RORC: variants seen among roughly 807,000 people sequenced by gnomAD.
RORC encodes the protein nuclear receptor ROR-gamma.
Under a neutral mutation model 64.5 loss-of-function variants are expected in RORC, and 13 were observed. That is an observed-to-expected ratio of 0.20 (90% CI 0.13 to 0.32). The LOEUF is 0.32. Among genes scored for constraint, RORC ranks in the 10% least tolerant of loss-of-function variants. The probability of loss-of-function intolerance (pLI) is 1.00; values close to 1 mark genes in which losing one functional copy is unlikely to be tolerated. For missense variants in RORC, 468 were observed against 669.5 expected (o/e 0.70, Z 3.32); for synonymous variants, 277 against 259.3 (o/e 1.07, Z -0.65).
intron 10 of RORC, among the ~76,000 whole-genome samples, chr1:151,809,337 T>G (rs1376329219): frequency 6.6e-6 from 1 of 151,076 alleles, no homozygotes; most frequent in East Asian, 1.9e-4. Flanking sequence ...GAGGTTGCAG[T>G]GAGCCGAGAT....
intron 2 of RORC, chr1:151,826,170 G>T: frequency 8.8e-7 from 1 of 1,134,388 alleles, no homozygotes; most frequent in Non-Finnish European, 1.1e-6. Flanking sequence ...GGTGCAGTGA[G>T]TAGGATGACA....
At position 151,814,678 on chromosome 1, in the gene RORC, C is replaced by G; in HGVS notation, c.829G>C (p.Val277Leu). The G allele has an allele frequency of 6.2e-7, 1 of 1,610,024 alleles. No individual in the cohort carries two copies. The highest frequency in any genetic ancestry group is 8.5e-7 in the Non-Finnish European group (1 of 1,176,934). Residue 277 changes from valine (V) to leucine (L), a missense_variant, in exon 6 of 11, where the codon GTC becomes CTC. By Grantham distance (32) the Val-to-Leu change is conservative. Coordinates refer to ENST00000318247, the MANE Select transcript of RORC (RefSeq NM_005060.4). ...CATGTCTCCCTGTAGGACTTGCAGA[C>G]GCTCTGCACCAGGTGCTCTGGGGCC... ...LTEIEHLVQS[V>L]CKSYRETCQL...
At chr1:151,813,465 C>A in intron 7 of RORC, 23 bp downstream of exon 7, 6 of 1,613,768 alleles carry the variant, frequency 3.7e-6, no homozygotes, top group Non-Finnish European at 5.1e-6. Flanking sequence ...TGTCCCCAGG[C>A]CTGCCCACCC....
rs1205749942 is a variant in RORC at position 151,815,267 on chromosome 1, G to A, written c.457C>T (p.Leu153Phe). 6.2e-7 allele frequency: 1 copy of A among 1,609,864 alleles called. No homozygotes were observed. ...CCCAGGGGCAGCTGCCCGTCTGGGA[G>A]CCCCAAGGTGTAGGTGAGGGTATCT... ...GADTLTYTLG[L>F]PDGQLPLGSS... Residue 153 changes from leucine (L) to phenylalanine (F), a missense_variant, in exon 5 of 11, where the codon CTC becomes TTC. Around this residue, in one of 5 missense-constraint regions of RORC, gnomAD observed 241 missense variants for 295.5 expected, o/e 0.82. Coordinates refer to ENST00000318247, the MANE Select transcript of RORC (RefSeq NM_005060.4).
At chr1:151,816,542 G>A in intron 4 of RORC, 122 bp downstream of exon 4, 1 of 1,029,448 alleles carries the variant, frequency 9.7e-7, no homozygotes, top group South Asian at 1.8e-5. Flanking sequence ...GTAACGGGGA[G>A]GAATGGAGAG....
At chr1:151,827,621 A>G (rs1185999990) in intron 2 of RORC, among the ~76,000 whole-genome samples, 1 of 152,092 alleles carries the variant, frequency 6.6e-6, no homozygotes, top group African/African-American at 2.4e-5. Flanking sequence ...TGTCTCCTGG[A>G]TTCTGTGGGG....
intron 6 of RORC, chr1:151,813,969 A>G (rs951251569): frequency 1.3e-4 from 32 of 238,148 alleles, no homozygotes; most frequent in Non-Finnish European, 2.6e-4. Context: ...TAACCTGGAG[A>G]AGCAAATGTG....
intron 10 of RORC, among the ~76,000 whole-genome samples, chr1:151,809,447 A>G (rs1286848793): frequency 6.6e-6 from 1 of 152,066 alleles, no homozygotes; most frequent in Non-Finnish European, 1.5e-5. Flanking sequence ...AAAAAACCAC[A>G]GGAGTAGGGC....
chr1:151,814,619 G>A lies in RORC; in HGVS notation c.888C>T (p.Arg296=), dbSNP rs200455794. The A allele has an allele frequency of 1.2e-5, 20 of 1,612,478 alleles. No individual in the cohort carries two copies. The highest frequency in any genetic ancestry group is 2.7e-5 in the African/African-American group (2 of 74,900). Residue 296 remains arginine (R), a synonymous_variant, in exon 6 of 11, where the codon CGC becomes CGT. Coordinates refer to ENST00000318247, the MANE Select transcript of RORC (RefSeq NM_005060.4). ...QLRLEDLLRQ[R]SNIFSREEVT... ...CTTCCTCCCGGGAGAAGATGTTGGA[G>A]CGCTGCCGCAGCAGGTCCTCCAGCC...
Position 151,830,837 on chromosome 1 carries a change from A to C in RORC, c.40+888T>G, listed in dbSNP as rs1572050139. On this transcript the variant is annotated intron_variant, in intron 1 of 10. Transcript: ENST00000318247. This position sits in a 1 kb window ranked among gnomAD's most constrained non-coding sequence, Gnocchi z 4.0. ...CCTCCCCTTGCTCCTGCCTGGCCCCACCCAGCTTCCTCCCTGACGTGGCAC... is the reference window on the plus strand; with the variant it reads ...CCTCCCCTTGCTCCTGCCTGGCCCCCCCCAGCTTCCTCCCTGACGTGGCAC... 7.8e-4 allele frequency: 329 copies of C among 423,732 alleles called. No homozygotes were observed. Among genetic ancestry groups the C allele is most frequent in the South Asian group, 4.3e-3 (96 of 22,152 alleles). The allele number at this position is 423,732 out of a possible 1,614,324, so 26.2% of individuals were successfully genotyped here.
chr1:151,814,495 G>T, intron 6 of RORC, 79 bp downstream of exon 6: 1 of 1,481,378 alleles, frequency 6.8e-7, no homozygotes, highest in Non-Finnish European at 9.2e-7. Flanking sequence ...CCAGGACCCA[G>T]TCGTGCGCAG....
chr1:151,827,018 T>A (rs1238927743), intron 2 of RORC, among the ~76,000 whole-genome samples: 1 of 152,208 alleles, frequency 6.6e-6, no homozygotes, highest in East Asian at 1.9e-4. Context: ...CTCAGGGGGC[T>A]GAGGCAGGAG....
At chr1:151,831,688 T>A in intron 1 of RORC, 37 bp downstream of exon 1, 1 of 1,610,458 alleles carries the variant, frequency 6.2e-7, no homozygotes, top group South Asian at 1.1e-5. Context: ...CCTCCAGCAG[T>A]CTCTTCCACC....
intron 2 of RORC, among the ~76,000 whole-genome samples, chr1:151,821,878 G>T (rs1450141934): frequency 6.6e-6 from 1 of 152,062 alleles, no homozygotes; most frequent in Non-Finnish European, 1.5e-5. Flanking sequence ...GATCCCAAGA[G>T]ATATTATTCC....
At chr1:151,819,843 G>T (rs541991739) in intron 2 of RORC, among the ~76,000 whole-genome samples, 2 of 152,218 alleles carry the variant, frequency 1.3e-5, no homozygotes, top group South Asian at 4.2e-4. Context: ...CGACACCAAA[G>T]CCTTGGACTC....
At chr1:151,821,905 C>A (rs1049144671) in intron 2 of RORC, among the ~76,000 whole-genome samples, 3 of 152,158 alleles carry the variant, frequency 2.0e-5, no homozygotes, top group African/African-American at 7.2e-5. Flanking sequence ...CCCAACTCTT[C>A]CTCTGAGGTC....
intron 2 of RORC, among the ~76,000 whole-genome samples, chr1:151,820,230 T>C (rs971716019): frequency 6.7e-6 from 1 of 149,786 alleles, no homozygotes; most frequent in Non-Finnish European, 1.5e-5. Context: ...TGTGTGTTAC[T>C]TGTAGAGAAG....
chr1:151,831,624 C>T, intron 1 of RORC, 101 bp downstream of exon 1: 1 of 1,602,568 alleles, frequency 6.2e-7, no homozygotes, highest in Non-Finnish European at 8.5e-7. Context: ...TCTTGTCCCT[C>T]CCTCCCCTCC....
At chr1:151,822,258 C>G (rs562247924) in intron 2 of RORC, among the ~76,000 whole-genome samples, 5 of 148,736 alleles carry the variant, frequency 3.4e-5, no homozygotes, top group African/African-American at 1.2e-4. Context: ...TTCTGCAAAG[C>G]TGGAAACCAA....
Sources: allele counts gnomAD v4.1 joint callset (sites outside exome capture counted in the v4.1 genomes callset), GRCh38; gene constraint gnomAD v4.1.1; regional missense constraint gnomAD v4.1.1; non-coding constraint Gnocchi (gnomAD v3.1); transcripts MANE v1.5; gene names NCBI Gene and HGNC (gene_info 2026-07-23, HGNC 2026-07-21).